VPS13B: variants seen among roughly 807,000 people sequenced by gnomAD.
VPS13B encodes intermembrane lipid transfer protein VPS13B.
VPS13B carries 285 observed loss-of-function variants against 426.4 expected under a neutral mutation model. The ratio of observed to expected loss-of-function variants is 0.67; its 90% CI spans 0.61 to 0.74. The LOEUF is 0.74. Among genes scored for constraint, VPS13B ranks in the 30% least tolerant of loss-of-function variants. The pLI, the probability that VPS13B is intolerant of heterozygous loss-of-function variation, is 0.00. For synonymous variants in VPS13B, 1,676 were observed against 1,676.4 expected (o/e 1.00, Z 0.01); for missense variants, 4,537 against 4,782.6 (o/e 0.95, Z 1.51).
At chr8:99,457,880 T>A (rs1428176484) in intron 23 of VPS13B, among the ~76,000 whole-genome samples, 1 of 152,176 alleles carries the variant, frequency 6.6e-6, no homozygotes, top group Non-Finnish European at 1.5e-5. Context: ...CTTCCAAATA[T>A]TTTACAATTT....
intron 25 of VPS13B, among the ~76,000 whole-genome samples, chr8:99,485,900 T>TA (rs1820275713): frequency 6.6e-6 from 1 of 152,236 alleles, no homozygotes; most frequent in South Asian, 2.1e-4. Flanking sequence ...AATTGGTTTA[T>TA]AGTCCTTTTA....
chr8:99,668,913 T>C (rs1299206491), intron 35 of VPS13B, among the ~76,000 whole-genome samples: 1 of 152,148 alleles, frequency 6.6e-6, no homozygotes, highest in Non-Finnish European at 1.5e-5. Context: ...TCATATGATG[T>C]GTCACTGCCC....
At chr8:99,380,516 C>T (rs934771013) in intron 19 of VPS13B, among the ~76,000 whole-genome samples, 3 of 151,918 alleles carry the variant, frequency 2.0e-5, no homozygotes, top group Non-Finnish European at 4.4e-5. Context: ...AGGGCACATG[C>T]TTTTGTTGTC....
At chr8:99,809,264 A>G (rs1007244145) in intron 43 of VPS13B, 111 bp from the exon 44 acceptor site, 4 of 1,403,140 alleles carry the variant, frequency 2.9e-6, no homozygotes, top group Admixed American at 1.8e-5. Context: ...GAAAGAAAAC[A>G]GATGCAAAAT....
At position 99,875,485 on chromosome 8, in the gene VPS13B, C is replaced by G; in HGVS notation, c.11813C>G (p.Thr3938Arg). 6.2e-7 allele frequency: 1 copy of G among 1,614,190 alleles called. No homozygotes were observed. Among genetic ancestry groups the G allele is most frequent in the African/African-American group, 1.3e-5 (1 of 75,046 alleles). Residue 3938 changes from threonine (T) to arginine (R), a missense_variant, in exon 62 of 62, where the codon ACA becomes AGA. Coordinates refer to ENST00000357162, the MANE Select transcript of VPS13B (RefSeq NM_152564.5). ...AGACTGGTGGACTACATCACAAAGA[C>G]ATCTTGTCACCTGGCCCCCAGCTGT... ...YNRLVDYITK[T>R]SCHLAPSCSS...
At position 99,476,407 on chromosome 8, in the gene VPS13B, A is replaced by AT. The variant is rs200393313; in HGVS notation, c.3667-5176dup. Among the ~76,000 whole-genome samples, 264 of 143,994 alleles carry AT rather than the reference A, an allele frequency of 1.8e-3. 1 individual carries two copies. Among genetic ancestry groups the AT allele is most frequent in the Non-Finnish European group, 1.8e-3 (120 of 65,256 alleles). 94.5% of individuals were successfully genotyped at this position (143,994 alleles called of 152,430 possible). On this transcript the variant is annotated intron_variant, in intron 24 of 61. Transcript: ENST00000357162. ...TTTCAAAATTCCAAAGGATGGCTTG[A>AT]TTTTTTTTTTTTTTTTCCATATGCA...
intron 33 of VPS13B, among the ~76,000 whole-genome samples, chr8:99,580,459 C>T (rs2133817486): frequency 6.6e-6 from 1 of 151,878 alleles, no homozygotes; most frequent in East Asian, 1.9e-4. Flanking sequence ...TCCCAAACTG[C>T]TGGGATTACA....
intron 3 of VPS13B, among the ~76,000 whole-genome samples, chr8:99,089,511 G>A (rs1468268236): frequency 6.6e-6 from 1 of 152,148 alleles, no homozygotes. Context: ...GTTTGGTCTG[G>A]AAAAGCAGGA....
At chr8:99,585,665 G>A (rs1826268954) in intron 33 of VPS13B, among the ~76,000 whole-genome samples, 1 of 152,080 alleles carries the variant, frequency 6.6e-6, no homozygotes, top group Non-Finnish European at 1.5e-5. Context: ...ACTAGGAATA[G>A]AAGGGAGCTT....
chr8:99,863,561 G>T (rs1371818393), intron 58 of VPS13B, among the ~76,000 whole-genome samples: 1 of 152,048 alleles, frequency 6.6e-6, no homozygotes, highest in African/African-American at 2.4e-5. Context: ...CTTCCTGCCC[G>T]AGGGTTCCAG....
rs1440678043 is a variant in VPS13B at position 99,501,850 on chromosome 8, A to G, written c.4034A>G (p.Lys1345Arg). The change falls in exon 26 of 62, where the codon AAA (lysine) becomes AGA (arginine). Residue 1345 changes from lysine (K) to arginine (R), a missense_variant. Lys to Arg is a conservative substitution (Grantham distance 26, BLOSUM62 2). Transcript: ENST00000357162. ...CTCTTTGCTCCAGATCCTGAAAATA[A>G]AGGCACAGGTACAGGATTCCTTTTC... is the stretch of plus-strand genomic sequence containing the variant. ...IKLFAPDPEN[K>R]GTEVCMVSEL... The G allele has an allele frequency of 8.7e-6, 14 of 1,613,682 alleles. No homozygotes were observed. Among genetic ancestry groups the G allele is most frequent in the Non-Finnish European group, 1.1e-5 (13 of 1,179,978 alleles).
At chr8:99,362,983 G>A (rs1051070420) in intron 19 of VPS13B, among the ~76,000 whole-genome samples, 16 of 152,058 alleles carry the variant, frequency 1.1e-4, no homozygotes, top group Admixed American at 1.3e-4. Flanking sequence ...TCACTTTGTC[G>A]ATTGTTTCCT....
At chr8:99,588,166 G>A (rs1378625881) in intron 33 of VPS13B, among the ~76,000 whole-genome samples, 1 of 151,594 alleles carries the variant, frequency 6.6e-6, no homozygotes, top group Non-Finnish European at 1.5e-5. Flanking sequence ...GCTCTTTTCT[G>A]TTCCATTGGA....
chr8:99,404,853 T>C (rs1815240316), intron 21 of VPS13B, among the ~76,000 whole-genome samples: 1 of 152,188 alleles, frequency 6.6e-6, no homozygotes, highest in South Asian at 2.1e-4. Context: ...TACCCAGCAA[T>C]ACCTCAAGTA....
intron 20 of VPS13B, among the ~76,000 whole-genome samples, chr8:99,388,974 C>A: frequency 6.6e-6 from 1 of 152,068 alleles, no homozygotes; most frequent in East Asian, 1.9e-4. Flanking sequence ...GATGGTGAAA[C>A]CCTATCTCTA....
intron 40 of VPS13B, among the ~76,000 whole-genome samples, chr8:99,772,385 A>G (rs1460662915): frequency 6.6e-6 from 1 of 152,180 alleles, no homozygotes; most frequent in African/African-American, 2.4e-5. Context: ...CAAATATTAT[A>G]TGATTCTACT....
Position 99,481,711 on chromosome 8 carries a change from T to C in VPS13B, c.3779T>C (p.Val1260Ala). 1 of 1,614,062 alleles carries C rather than the reference T, an allele frequency of 6.2e-7. No individual in the cohort carries two copies. The highest frequency in any genetic ancestry group is 1.1e-5 in the South Asian group (1 of 91,086). The change falls in exon 25 of 62, where the codon GTT (valine) becomes GCT (alanine). Residue 1260 changes from valine to alanine, a missense_variant. Val to Ala is a moderately conservative substitution (Grantham distance 64, BLOSUM62 0). Around this residue, in one of 2 missense-constraint regions of VPS13B, gnomAD observed 4,311 missense variants for 4,474.3 expected, o/e 0.96. Transcript: ENST00000357162. The part of the protein sequence containing the change: ...PTSPETMAGP[V>A]PTSPVRSSIG... ...TCTCCAGAGACCATGGCAGGGCCTG[T>C]TCCTACTTCTCCAGTTAGAAGCAGT...
intron 39 of VPS13B, among the ~76,000 whole-genome samples, chr8:99,757,187 C>T (rs982993203): frequency 5.9e-5 from 9 of 152,006 alleles, no homozygotes; most frequent in Non-Finnish European, 8.8e-5. Flanking sequence ...AGAAATATGG[C>T]GGGAAAAGTG....
intron 22 of VPS13B, among the ~76,000 whole-genome samples, chr8:99,435,196 T>A (rs1385213309): frequency 4.6e-5 from 7 of 152,206 alleles, no homozygotes; most frequent in Non-Finnish European, 5.9e-5. Flanking sequence ...GAAGATCTAG[T>A]TGACACCATT....
Sources: allele counts gnomAD v4.1 joint callset (sites outside exome capture counted in the v4.1 genomes callset), GRCh38; gene constraint gnomAD v4.1.1; regional missense constraint gnomAD v4.1.1; transcripts MANE v1.5; gene names NCBI Gene and HGNC (gene_info 2026-07-23, HGNC 2026-07-21).